TULP4: variants seen among roughly 807,000 people sequenced by gnomAD.
TULP4 encodes the protein TUB like protein 4.
Under a neutral mutation model 129.0 loss-of-function variants are expected in TULP4, and 16 were observed. That is an observed-to-expected ratio of 0.12 (90% CI 0.08 to 0.19). The LOEUF (loss-of-function observed/expected upper bound fraction) is 0.19, where lower values mean the gene tolerates loss of function less well. Among genes scored for constraint, TULP4 ranks in the 10% least tolerant of loss-of-function variants. The pLI is 1.00. For missense variants in TULP4, 1,842 were observed against 2,059.1 expected, an observed-to-expected ratio of 0.89 and a Z score of 2.04; for synonymous variants, 998 against 854.0, an observed-to-expected ratio of 1.17 and a Z score of -2.94.
chr6:158,381,361 C>T (rs1305014282), intron 1 of TULP4, among the ~76,000 whole-genome samples: 3 of 152,214 alleles, frequency 2.0e-5, no homozygotes, highest in East Asian at 3.9e-4. Flanking sequence ...AGGGCTGGGG[C>T]ATCACCCTGT....
At chr6:158,249,220 T>C (rs1168528063) in intron 1 of TULP4, among the ~76,000 whole-genome samples, 3 of 152,190 alleles carry the variant, frequency 2.0e-5, no homozygotes, top group Non-Finnish European at 2.9e-5. Context: ...ATTCTTGTTA[T>C]ATTTTCCCAT....
intron 1 of TULP4, among the ~76,000 whole-genome samples, chr6:158,380,839 A>G (rs1311183258): frequency 3.4e-5 from 5 of 147,588 alleles, no homozygotes; most frequent in African/African-American, 5.0e-5. Context: ...GGTTGCAGTG[A>G]GCCGAGACCA....
chr6:158,464,567 C>G (rs774173107), intron 6 of TULP4, among the ~76,000 whole-genome samples: 3 of 152,226 alleles, frequency 2.0e-5, no homozygotes, highest in Non-Finnish European at 4.4e-5. Flanking sequence ...ACTGCAACCT[C>G]TGCCTCCCGG....
Position 158,502,202 on chromosome 6 carries a change from A to G in TULP4, c.2539A>G (p.Thr847Ala), listed in dbSNP as rs1450691746. 3 of 601,792 alleles carry G rather than the reference A, an allele frequency of 5.0e-6. No homozygotes were observed. Among genetic ancestry groups the G allele is most frequent in the African/African-American group, 4.1e-5 (1 of 24,430 alleles). The allele number at this position is 601,792 out of a possible 1,614,324, so 37.3% of individuals were successfully genotyped here. The change falls in exon 13 of 14, where the codon ACA becomes GCA. Residue 847 changes from threonine to alanine, a missense_variant. Thr to Ala is a moderately conservative substitution (Grantham distance 58). Transcript: ENST00000367097. ...AGGAACCATCCCCGCTGCCCCCACC[A>G]CAGCAGCACCCCCGCCCCCTCTGCC... is the stretch of plus-strand genomic sequence containing the variant. ...YPGTIPAAPTTAAPPPPLPPP... is the reference protein window; with the variant it reads ...YPGTIPAAPTAAAPPPPLPPP...
intron 1 of TULP4, among the ~76,000 whole-genome samples, chr6:158,391,229 T>C (rs1047671425): frequency 6.6e-6 from 1 of 152,230 alleles, no homozygotes; most frequent in African/African-American, 2.4e-5. Context: ...TTATTTCCTT[T>C]TGTAAAATTT....
intron 1 of TULP4, among the ~76,000 whole-genome samples, chr6:158,320,517 C>T (rs1036743021): frequency 5.9e-5 from 9 of 151,608 alleles, no homozygotes; most frequent in South Asian, 4.2e-4. Flanking sequence ...CTGCAACCTC[C>T]GCCCCCCAGG....
At chr6:158,490,870 C>A (rs1780184018) in intron 9 of TULP4, among the ~76,000 whole-genome samples, 2 of 150,626 alleles carry the variant, frequency 1.3e-5, no homozygotes, top group Non-Finnish European at 2.9e-5. Context: ...TTCTTTATTG[C>A]TCCGTGGTAT....
chr6:158,413,191 C>A lies in TULP4; in HGVS notation c.379C>A (p.Gln127Lys), dbSNP rs1463434537. 6.2e-7 allele frequency: 1 copy of A among 1,611,124 alleles called. No homozygotes were observed. Among genetic ancestry groups the A allele is most frequent in the Non-Finnish European group, 8.5e-7 (1 of 1,177,840 alleles). ...SVELVNDRGA[Q>K]VSDFTWSHDG... ...GGAGCTGGTCAACGACCGCGGGGCG[C>A]AGGTGAGTGGCAGGCGCAGCTCTGC... Residue 127 changes from glutamine to lysine, a missense_variant and splice_region_variant, in exon 2 of 14, where the codon CAG (glutamine) becomes AAG (lysine). By Grantham distance (53) the Gln-to-Lys change is moderately conservative. Around this residue, in one of 5 missense-constraint regions of TULP4, gnomAD observed 151 missense variants for 268.7 expected, o/e 0.56. Transcript: ENST00000367097. This position sits in a 1 kb window ranked among gnomAD's most constrained non-coding sequence, Gnocchi z 4.9.
In TULP4 at chr6:158,503,899, G is replaced by A; in HGVS notation, c.4236G>A (p.Leu1412=). 1.9e-6 allele frequency: 3 copies of A among 1,614,116 alleles called. No individual in the cohort carries two copies. The East Asian group carries it at 6.7e-5, about 36-fold the overall frequency. ...FQDSSESEPE[L]FISGDELMNQ... is the part of the protein sequence containing the mutation. Reference sequence around the variant, plus strand: ...ACAGCTCCGAGAGCGAGCCTGAGCTGTTCATCAGCGGGGATGAGCTCATGA... The same window carrying A: ...ACAGCTCCGAGAGCGAGCCTGAGCTATTCATCAGCGGGGATGAGCTCATGA... The change falls in exon 13 of 14, where the codon CTG becomes CTA. Residue 1412 remains leucine, a synonymous_variant. Coordinates refer to ENST00000367097, the MANE Select transcript of TULP4 (RefSeq NM_020245.5). This position sits in a 1 kb window ranked among gnomAD's most constrained non-coding sequence, Gnocchi z 4.3.
At chr6:158,491,446 C>CTTTCTTTCTTTTT (rs1780202545) in intron 9 of TULP4, among the ~76,000 whole-genome samples, 1 of 28,652 alleles carries the variant, frequency 3.5e-5, no homozygotes, top group Non-Finnish European at 5.6e-5. Flanking sequence ...TCTTTCTTTT[C>CTTTCTTTCTTTTT]TTTCTTTCTT....
rs1562584663 is a variant in TULP4 at position 158,481,202 on chromosome 6, G to A, written c.1399G>A (p.Gly467Arg). 6.2e-7 allele frequency: 1 copy of A among 1,614,232 alleles called. No individual in the cohort carries two copies. The highest frequency in any genetic ancestry group is 2.2e-5 in the East Asian group (1 of 44,888). The change falls in exon 8 of 14, where the codon GGG becomes AGG. Residue 467 changes from glycine to arginine, a missense_variant. Around this residue, in one of 5 missense-constraint regions of TULP4, gnomAD observed 456 missense variants for 534.3 expected, o/e 0.85. Coordinates refer to ENST00000367097, the MANE Select transcript of TULP4 (RefSeq NM_020245.5). Reference sequence around the variant, plus strand: ...CACGCTCTACCTGGAGTACCTGGGCGGGCTTGTGCCCATCCTCAAAGGGCG... The same window carrying A: ...CACGCTCTACCTGGAGTACCTGGGCAGGCTTGTGCCCATCCTCAAAGGGCG... ...CYTLYLEYLGGLVPILKGRRI... is the reference protein window; with the variant it reads ...CYTLYLEYLGRLVPILKGRRI...
At chr6:158,325,409 G>C (rs1779724235) in intron 1 of TULP4, among the ~76,000 whole-genome samples, 1 of 148,450 alleles carries the variant, frequency 6.7e-6, no homozygotes. Context: ...CTGGAGTGCA[G>C]TGGTTGAATC....
chr6:158,288,509 T>G (rs117214975), intron 1 of TULP4, among the ~76,000 whole-genome samples: 6,922 of 152,064 alleles, frequency 0.046, 220 homozygotes, highest in South Asian at 0.11. Flanking sequence ...GTGTTGAATT[T>G]TTTTTTTTTA....
chr6:158,328,178 C>T (rs1779793683), intron 1 of TULP4, among the ~76,000 whole-genome samples: 1 of 146,196 alleles, frequency 6.8e-6, no homozygotes, highest in Non-Finnish European at 1.5e-5. Flanking sequence ...GTTGGAGGAG[C>T]AGGAGGAGGG....
intron 1 of TULP4, among the ~76,000 whole-genome samples, chr6:158,262,127 G>A (rs1405167034): frequency 6.6e-6 from 1 of 152,208 alleles, no homozygotes; most frequent in Admixed American, 6.5e-5. Flanking sequence ...CTGCCTTGGT[G>A]TGGAAAGGGT....
intron 3 of TULP4, among the ~76,000 whole-genome samples, chr6:158,431,984 G>A (rs1178839217): frequency 6.6e-6 from 1 of 151,576 alleles, no homozygotes; most frequent in African/African-American, 2.4e-5. Flanking sequence ...AAATAAAATG[G>A]TTGCAGCAGG....
chr6:158,233,296 C>T (rs1777632439), intron 1 of TULP4, among the ~76,000 whole-genome samples: 1 of 152,244 alleles, frequency 6.6e-6, no homozygotes, highest in South Asian at 2.1e-4. Flanking sequence ...TGGGGTCTCC[C>T]CCACGCCCTT....
chr6:158,331,541 A>G (rs754207694), intron 1 of TULP4, among the ~76,000 whole-genome samples: 16 of 151,098 alleles, frequency 1.1e-4, no homozygotes, highest in Non-Finnish European at 2.4e-4. Flanking sequence ...TTTCAGCATC[A>G]TCTTGTACTT....
intron 1 of TULP4, among the ~76,000 whole-genome samples, chr6:158,239,334 G>A (rs1207392707): frequency 6.9e-5 from 4 of 58,374 alleles, no homozygotes; most frequent in Non-Finnish European, 7.8e-5. Context: ...CTCACCTCCC[G>A]GACGGGGCGG....
Sources: gnomAD v4.1 joint callset for allele counts (sites outside exome capture counted in the v4.1 genomes callset) on GRCh38, gnomAD v4.1.1 for gene constraint, gnomAD v4.1.1 regional missense constraint, Gnocchi (gnomAD v3.1) non-coding constraint, MANE v1.5 for transcripts, NCBI Gene and HGNC (gene_info 2026-07-23, HGNC 2026-07-21) for gene names.